The following SLC35F4 variants were observed in gnomAD, a reference collection of about 807,000 sequenced individuals.
SLC35F4 encodes solute carrier family 35 member F4.
Under a neutral mutation model 44.2 loss-of-function variants are expected in SLC35F4, and 24 were observed. The ratio of observed to expected loss-of-function variants is 0.54; its 90% CI spans 0.39 to 0.76. The LOEUF is 0.76. SLC35F4 is among the 30% of genes least tolerant of loss of function. SLC35F4 has a pLI of 0.00. For missense variants in SLC35F4, 562 were observed against 586.1 expected (o/e 0.96, Z 0.42); for synonymous variants, 238 against 223.6 (o/e 1.06, Z -0.57).
intron 1 of SLC35F4, chr14:57,602,464 G>C (rs1957702): frequency 0.67 from 101,396 of 152,006 alleles, 34,624 homozygotes; most frequent in Non-Finnish European, 0.75. Flanking sequence ...GTCTTGAAGG[G>C]GAGCTGGAAT....
chr14:57,837,752 G>A (rs938220795), intron 1 of SLC35F4: 2 of 152,178 alleles, frequency 1.3e-5, no homozygotes, highest in African/African-American at 4.8e-5. Context: ...TTTGTGCCAG[G>A]TTCTAGAGCG....
chr14:57,672,890 T>C (rs562495314), intron 1 of SLC35F4, among the ~76,000 whole-genome samples: 2 of 152,108 alleles, frequency 1.3e-5, no homozygotes, highest in Non-Finnish European at 2.9e-5. Context: ...TTTTGTTTTT[T>C]TATTTGTTTG....
chr14:57,959,452 G>A (rs1890302127), intron 1 of SLC35F4, among the ~76,000 whole-genome samples: 1 of 152,126 alleles, frequency 6.6e-6, no homozygotes, highest in South Asian at 2.1e-4. Flanking sequence ...GAGGAAGATG[G>A]ATTTAGCCCC....
intron 1 of SLC35F4, among the ~76,000 whole-genome samples, chr14:57,794,396 C>T (rs1713678351): frequency 6.6e-6 from 1 of 152,034 alleles, no homozygotes; most frequent in African/African-American, 2.4e-5. Context: ...CATAAACAGA[C>T]ATTTCTCACA....
At chr14:57,652,356 G>A (rs2073812875) in intron 1 of SLC35F4, among the ~76,000 whole-genome samples, 1 of 152,078 alleles carries the variant, frequency 6.6e-6, no homozygotes, top group African/African-American at 2.4e-5. Context: ...GTTTAAGCCG[G>A]GTACCTGCTC....
At chr14:57,720,259 T>C (rs970708459) in intron 1 of SLC35F4, among the ~76,000 whole-genome samples, 2 of 152,198 alleles carry the variant, frequency 1.3e-5, no homozygotes, top group African/African-American at 4.8e-5. Flanking sequence ...AATTTTTGCA[T>C]CACTATTCAT....
At chr14:57,678,436 C>T (rs971904834) in intron 1 of SLC35F4, among the ~76,000 whole-genome samples, 3 of 151,942 alleles carry the variant, frequency 2.0e-5, no homozygotes, top group South Asian at 4.2e-4. Flanking sequence ...TAAAGATCAT[C>T]GATCCTATGA....
At chr14:57,631,948 T>G (rs1207848289) in intron 1 of SLC35F4, among the ~76,000 whole-genome samples, 1 of 152,122 alleles carries the variant, frequency 6.6e-6, no homozygotes, top group African/African-American at 2.4e-5. Flanking sequence ...GATTACTTTT[T>G]TCAATTTTGG....
At chr14:57,566,642 A>C in intron 6 of SLC35F4, 78 bp from the exon 7 acceptor site, 1 of 1,381,972 alleles carries the variant, frequency 7.2e-7, no homozygotes, top group Non-Finnish European at 1.0e-6. Context: ...TAAATGAATC[A>C]ATGTCTTTGC....
Position 57,919,059 on chromosome 14 carries a change from G to A in SLC35F4, n.282+62854C>T, listed in dbSNP as rs530501059. ...CGTAACTGGCTCTTACCAATGGAAT[G>A]TTAGTAGAACTGATATGTTCCATTC... On this transcript the variant is annotated intron_variant and non_coding_transcript_variant, in intron 1 of 1. Transcript: ENST00000556568. Among the ~76,000 whole-genome samples, 6 of 152,294 alleles carry A rather than the reference G, an allele frequency of 3.9e-5. 1 individual carries two copies. In the South Asian group the frequency reaches 1.2e-3, roughly 32 times the overall value.
intron 1 of SLC35F4, among the ~76,000 whole-genome samples, chr14:57,605,836 T>G (rs1305340087): frequency 2.6e-5 from 4 of 151,814 alleles, no homozygotes; most frequent in African/African-American, 7.3e-5. Context: ...TGAAAACCAT[T>G]ATCCTAAGCG....
intron 1 of SLC35F4, among the ~76,000 whole-genome samples, chr14:57,666,121 A>T (rs1263327041): frequency 2.0e-5 from 3 of 152,202 alleles, no homozygotes; most frequent in African/African-American, 4.8e-5. Flanking sequence ...ACTGAAAATA[A>T]AAGTTAAAAA....
At chr14:57,723,422 G>A (rs2076132131) in intron 1 of SLC35F4, among the ~76,000 whole-genome samples, 1 of 152,226 alleles carries the variant, frequency 6.6e-6, no homozygotes, top group African/African-American at 2.4e-5. Context: ...CTTGAAAGAT[G>A]CAGGGGTGGT....
intron 1 of SLC35F4, among the ~76,000 whole-genome samples, chr14:57,968,521 AC>A (rs1355945471): frequency 6.6e-6 from 1 of 152,212 alleles, no homozygotes; most frequent in Non-Finnish European, 1.5e-5. Context: ...AGTGCAATAT[AC>A]CCTTTCCATT....
chr14:57,744,171 C>G (rs1370613901), intron 1 of SLC35F4, among the ~76,000 whole-genome samples: 2 of 152,144 alleles, frequency 1.3e-5, no homozygotes, highest in African/African-American at 4.8e-5. Flanking sequence ...TGGCACAAGA[C>G]AGGGATGCCC....
chr14:57,758,423 A>G (rs967870205), intron 1 of SLC35F4, among the ~76,000 whole-genome samples: 10 of 152,018 alleles, frequency 6.6e-5, no homozygotes, highest in African/African-American at 2.4e-4. Context: ...AAGTTGATGC[A>G]TATTATCTTC....
At chr14:57,765,166 A>C (rs1487468231) in intron 1 of SLC35F4, among the ~76,000 whole-genome samples, 3 of 152,234 alleles carry the variant, frequency 2.0e-5, no homozygotes, top group African/African-American at 7.2e-5. Context: ...CAAGATAGGA[A>C]AATACAGATT....
intron 1 of SLC35F4, among the ~76,000 whole-genome samples, chr14:57,958,087 G>A (rs1890273043): frequency 6.7e-6 from 1 of 149,376 alleles, no homozygotes; most frequent in Non-Finnish European, 1.5e-5. Context: ...ATGGAGTCTT[G>A]CTCTGTCGCC....
intron 1 of SLC35F4, among the ~76,000 whole-genome samples, chr14:57,812,430 G>C (rs988602569): frequency 6.6e-6 from 1 of 152,132 alleles, no homozygotes; most frequent in African/African-American, 2.4e-5. Context: ...CTAAGTCCTG[G>C]AAAAGGGCGG....
Sources: allele counts gnomAD v4.1 joint callset (sites outside exome capture counted in the v4.1 genomes callset), GRCh38; gene constraint gnomAD v4.1.1; transcripts MANE v1.5; gene names NCBI Gene and HGNC (gene_info 2026-07-23, HGNC 2026-07-21).